EXOC4: variants seen among roughly 807,000 people sequenced by gnomAD.
EXOC4 encodes SEC8-like 1.
In EXOC4, 71 loss-of-function variants were observed where a neutral mutation model predicts 107.2. The observed-to-expected ratio is 0.66, with a 90% CI of 0.55 to 0.81. The LOEUF is 0.81. Ranked by LOEUF, EXOC4 falls within the 30% of genes least tolerant of loss-of-function variation. EXOC4 has a pLI of 0.00. For missense variants in EXOC4, 1,108 were observed against 1,189.6 expected (o/e 0.93, Z 1.01); for synonymous variants, 456 against 441.2 (o/e 1.03, Z -0.42).
In EXOC4 at chr7:133,485,092, AAT is replaced by A. The variant is rs1436591733; in HGVS notation, c.1417+4956_1417+4957del. On this transcript the variant is annotated intron_variant, in intron 9 of 17. Coordinates refer to ENST00000253861, the MANE Select transcript of EXOC4 (RefSeq NM_021807.4). ...GAGACTCCGTCTCAAAAAATAAATA[AAT>A]AAATAAATAAATAAATAAATAAATA... 7.7e-5 allele frequency among the ~76,000 whole-genome samples: 11 copies of A among 142,746 alleles called. 2 individuals carry two copies. Among genetic ancestry groups the A allele is most frequent in the African/African-American group, 1.3e-4 (5 of 38,308 alleles). The allele number at this position is 142,746 out of a possible 152,430, so 93.6% of individuals were successfully genotyped here. A position where few individuals can be genotyped will look rare whatever the true frequency, so the allele number is the denominator to read the frequency against.
intron 10 of EXOC4, among the ~76,000 whole-genome samples, chr7:133,736,720 A>G (rs1440181064): frequency 6.6e-6 from 1 of 152,146 alleles, no homozygotes; most frequent in East Asian, 1.9e-4. Context: ...TGTTCCAAAA[A>G]TACTACTTCT....
At chr7:133,969,515 T>A (rs1433786868) in intron 14 of EXOC4, among the ~76,000 whole-genome samples, 1 of 152,178 alleles carries the variant, frequency 6.6e-6, no homozygotes, top group Non-Finnish European at 1.5e-5. Context: ...GACCTTCTGG[T>A]GGGGTTTCTG....
At chr7:133,999,049 T>G (rs1488660044) in intron 15 of EXOC4, among the ~76,000 whole-genome samples, 5 of 152,026 alleles carry the variant, frequency 3.3e-5, no homozygotes, top group Non-Finnish European at 5.9e-5. Context: ...AGGGTGGAAA[T>G]CAAGTATGCC....
chr7:134,065,539 A>G lies in EXOC4; in HGVS notation c.*1011A>G, dbSNP rs569858555. The G allele has an allele frequency of 1.3e-5, 2 of 152,272 alleles. No individual in the cohort carries two copies. Among genetic ancestry groups the G allele is most frequent in the East Asian group, 3.9e-4 (2 of 5,152 alleles). The allele number at this position is 152,272 out of a possible 1,614,324, so 9.4% of individuals were successfully genotyped here. On this transcript the variant is annotated 3_prime_UTR_variant, in exon 18 of 18. Transcript: ENST00000253861. ...CTGGACCTCACCATGTCCCCCGGTC[A>G]CCAGTCCTCTTGCTGCCCATGGTTC... is the stretch of plus-strand genomic sequence containing the variant.
intron 11 of EXOC4, among the ~76,000 whole-genome samples, chr7:133,858,316 A>G (rs1798462075): frequency 1.3e-5 from 2 of 152,192 alleles, no homozygotes; most frequent in South Asian, 2.1e-4. Flanking sequence ...GCAGACGGGC[A>G]GTCGTACCAT....
chr7:133,491,900 A>G (rs1043983535), intron 9 of EXOC4, among the ~76,000 whole-genome samples: 3 of 152,196 alleles, frequency 2.0e-5, no homozygotes, highest in African/African-American at 7.2e-5. Flanking sequence ...ATGAACACAC[A>G]GATGTTTGAG....
chr7:133,857,371 C>T (rs1798438135), intron 11 of EXOC4, among the ~76,000 whole-genome samples: 8 of 46,302 alleles, frequency 1.7e-4, no homozygotes, highest in Admixed American at 3.6e-4. Flanking sequence ...ATATATTTTA[C>T]CTCTACTTAA....
chr7:133,325,905 T>C (rs1795227925), intron 5 of EXOC4, among the ~76,000 whole-genome samples: 1 of 152,208 alleles, frequency 6.6e-6, no homozygotes, highest in African/African-American at 2.4e-5. Context: ...GAGGCTTTGT[T>C]CGTTTCTTTT....
intron 14 of EXOC4, among the ~76,000 whole-genome samples, chr7:133,971,357 T>TAG (rs1554429066): frequency 1.7e-4 from 17 of 100,526 alleles, no homozygotes; most frequent in Non-Finnish European, 2.3e-4. Context: ...TATATATATA[T>TAG]ATATAGAGAG....
intron 7 of EXOC4, among the ~76,000 whole-genome samples, chr7:133,453,722 A>G (rs1374471383): frequency 3.3e-5 from 5 of 152,068 alleles, no homozygotes; most frequent in Non-Finnish European, 7.4e-5. Context: ...TCTTTTTACT[A>G]AAGTTATCGT....
At chr7:134,097,779 TAAG>T in the EXOC4 span, among the ~76,000 whole-genome samples, 1 of 152,156 alleles carries the variant, frequency 6.6e-6, no homozygotes, top group Non-Finnish European at 1.5e-5. Flanking sequence ...GGATAGACAC[TAAG>T]GTGTTACAGC....
chr7:133,275,032 G>T lies in EXOC4; in HGVS notation c.137G>T (p.Arg46Leu), dbSNP rs763612418. ...DVEDRENEKG[R>L]LEEAYEKCDR... ...GAAGACAGGGAAAATGAAAAGGGTC[G>T]CCTTGAAGAAGCCTACGAGAAATGT... The change falls in exon 2 of 18, where the codon CGC becomes CTC. Residue 46 changes from arginine to leucine, a missense_variant. Transcript: ENST00000253861. 6.2e-7 allele frequency: 1 copy of T among 1,613,570 alleles called. No individual in the cohort carries two copies. Among genetic ancestry groups the T allele is most frequent in the Non-Finnish European group, 8.5e-7 (1 of 1,179,618 alleles).
At chr7:133,508,029 T>C (rs1378726600) in intron 9 of EXOC4, among the ~76,000 whole-genome samples, 1 of 151,404 alleles carries the variant, frequency 6.6e-6, no homozygotes, top group Non-Finnish European at 1.5e-5. Flanking sequence ...CATTGCACTC[T>C]CAGCCTGGGC....
chr7:133,791,241 G>A (rs974765136), intron 10 of EXOC4, among the ~76,000 whole-genome samples: 2 of 152,178 alleles, frequency 1.3e-5, no homozygotes, highest in African/African-American at 4.8e-5. Context: ...TGGTGATAGG[G>A]TTTACGAGTT....
intron 3 of EXOC4, 63 bp downstream of exon 3, chr7:133,289,179 C>T: frequency 1.4e-6 from 2 of 1,423,166 alleles, no homozygotes; most frequent in Non-Finnish European, 1.9e-6. Flanking sequence ...CTCTTTTATT[C>T]TCTCTGAATC....
At chr7:133,708,428 A>AT in intron 10 of EXOC4, among the ~76,000 whole-genome samples, 1 of 152,224 alleles carries the variant, frequency 6.6e-6, no homozygotes, top group East Asian at 1.9e-4. Context: ...ATCAACATTA[A>AT]TTGACATTGA....
At chr7:133,948,963 T>C (rs1800622658) in intron 14 of EXOC4, among the ~76,000 whole-genome samples, 1 of 152,194 alleles carries the variant, frequency 6.6e-6, no homozygotes, top group South Asian at 2.1e-4. Flanking sequence ...GGCAATGCTG[T>C]TGTTCAGCTA....
At chr7:133,657,648 G>C (rs1001453874) in intron 10 of EXOC4, among the ~76,000 whole-genome samples, 2 of 152,098 alleles carry the variant, frequency 1.3e-5, no homozygotes, top group African/African-American at 4.8e-5. Flanking sequence ...AGTTGGTTAC[G>C]AAGGCTGTGT....
At chr7:133,898,847 G>A (rs1217315377) in intron 12 of EXOC4, among the ~76,000 whole-genome samples, 1 of 146,006 alleles carries the variant, frequency 6.8e-6, no homozygotes, top group Admixed American at 6.8e-5. Flanking sequence ...GTGTGGTGGT[G>A]TATGCCTATA....
Sources: gnomAD v4.1 joint callset for allele counts (sites outside exome capture counted in the v4.1 genomes callset) on GRCh38, gnomAD v4.1.1 for gene constraint, MANE v1.5 for transcripts, NCBI Gene and HGNC (gene_info 2026-07-23, HGNC 2026-07-21) for gene names.